Variants in JCAD observed in about 807,000 individuals in gnomAD.
JCAD encodes junctional cadherin 5 associated, also known as junctional cadherin 5-associated protein.
In JCAD, 40 loss-of-function variants were observed where a neutral mutation model predicts 98.0. That is an observed-to-expected ratio of 0.41 (90% CI 0.32 to 0.53). The LOEUF is 0.53. JCAD is among the 20% of genes least tolerant of loss of function. The pLI, the probability that JCAD is intolerant of heterozygous loss-of-function variation, is 0.31. For synonymous variants in JCAD, 691 were observed against 682.3 expected (o/e 1.01, Z -0.20); for missense variants, 1,705 against 1,738.1 (o/e 0.98, Z 0.34).
At chr10:30,097,986 C>G (rs778731793) in intron 1 of JCAD, among the ~76,000 whole-genome samples, 6 of 152,004 alleles carry the variant, frequency 3.9e-5, no homozygotes, top group Non-Finnish European at 8.8e-5. Flanking sequence ...AATGAGCAAC[C>G]CTAATCCAGA....
intron 2 of JCAD, among the ~76,000 whole-genome samples, chr10:30,038,129 A>C (rs1837155225): frequency 6.6e-6 from 1 of 152,056 alleles, no homozygotes. Context: ...AGGTCTAGTA[A>C]AGAACTTTTA....
At chr10:30,048,216 C>T (rs1034133269) in intron 1 of JCAD, among the ~76,000 whole-genome samples, 2 of 152,066 alleles carry the variant, frequency 1.3e-5, no homozygotes, top group African/African-American at 4.8e-5. Flanking sequence ...AAACAGCAGG[C>T]GGAAGGAGTG....
chr10:30,023,729 G>C (rs1300155889), intron 3 of JCAD, among the ~76,000 whole-genome samples: 4 of 151,870 alleles, frequency 2.6e-5, no homozygotes, highest in African/African-American at 9.7e-5. Flanking sequence ...GTTAGTAGCA[G>C]TGGTTAAAAA....
chr10:30,052,334 T>G, intron 1 of JCAD, among the ~76,000 whole-genome samples: 1 of 152,236 alleles, frequency 6.6e-6, no homozygotes, highest in South Asian at 2.1e-4. Context: ...ATGAGAAGGC[T>G]GAACTAGAGG....
chr10:30,087,109 T>G (rs1838178821), intron 1 of JCAD, among the ~76,000 whole-genome samples: 1 of 152,080 alleles, frequency 6.6e-6, no homozygotes. Flanking sequence ...TTTTATAAAC[T>G]CTACCCCAGG....
intron 1 of JCAD, among the ~76,000 whole-genome samples, chr10:30,071,242 GTTC>G (rs1288224937): frequency 5.3e-5 from 8 of 152,172 alleles, no homozygotes; most frequent in Non-Finnish European, 8.8e-5. Flanking sequence ...ACATTTCCTA[GTTC>G]TTCTAATTCT....
intron 1 of JCAD, among the ~76,000 whole-genome samples, chr10:30,080,608 A>C (rs1400489450): frequency 6.6e-6 from 1 of 152,138 alleles, no homozygotes; most frequent in African/African-American, 2.4e-5. Flanking sequence ...CCTGTATCAC[A>C]TGCTTCCTAC....
intron 3 of JCAD, among the ~76,000 whole-genome samples, chr10:30,019,715 C>T (rs1765714720): frequency 6.6e-6 from 1 of 152,010 alleles, no homozygotes; most frequent in Non-Finnish European, 1.5e-5. Context: ...ACTTTAGTTA[C>T]TAATGCCATC....
At chr10:30,108,710 C>A (rs1428490325) in intron 1 of JCAD, among the ~76,000 whole-genome samples, 3 of 152,156 alleles carry the variant, frequency 2.0e-5, no homozygotes, top group Admixed American at 6.6e-5. Flanking sequence ...GAGATTTCAG[C>A]CACTACATGC....
intron 3 of JCAD, among the ~76,000 whole-genome samples, chr10:30,024,558 A>G (rs1836740130): frequency 6.6e-6 from 1 of 152,174 alleles, no homozygotes; most frequent in African/African-American, 2.4e-5. Flanking sequence ...GTCCAACTAG[A>G]GGATCCAACG....
chr10:30,106,088 AC>A (rs151102865), intron 1 of JCAD, among the ~76,000 whole-genome samples: 4,468 of 152,218 alleles, frequency 0.029, 195 homozygotes, highest in African/African-American at 0.097. Context: ...GAGCCATAGA[AC>A]CACGGTTATA....
At chr10:30,077,640 C>T (rs1157111666) in intron 1 of JCAD, among the ~76,000 whole-genome samples, 1 of 152,174 alleles carries the variant, frequency 6.6e-6, no homozygotes, top group Non-Finnish European at 1.5e-5. Context: ...TACAAATATA[C>T]CTCTTCTGGA....
chr10:30,107,244 G>A (rs1001363400), intron 1 of JCAD, among the ~76,000 whole-genome samples: 1 of 152,146 alleles, frequency 6.6e-6, no homozygotes, highest in African/African-American at 2.4e-5. Context: ...GAGATAGGAG[G>A]TCACATGATA....
intron 1 of JCAD, among the ~76,000 whole-genome samples, chr10:30,058,403 G>A (rs973265760): frequency 1.3e-5 from 2 of 152,126 alleles, no homozygotes; most frequent in Non-Finnish European, 2.9e-5. Context: ...GTGGGGAGGT[G>A]ATGTGCCCAA....
intron 2 of JCAD, among the ~76,000 whole-genome samples, chr10:30,033,597 G>A (rs1837047202): frequency 6.6e-6 from 1 of 152,190 alleles, no homozygotes; most frequent in South Asian, 2.1e-4. Flanking sequence ...TTGATTACTA[G>A]TGAGGTCGAT....
chr10:30,020,308 C>CAGAGTG (rs1836634517), intron 3 of JCAD, among the ~76,000 whole-genome samples: 1 of 110,896 alleles, frequency 9.0e-6, no homozygotes, highest in African/African-American at 3.6e-5. Flanking sequence ...GCTTGGGCAA[C>CAGAGTG]AGAGTGAGAC....
At chr10:30,025,329 C>T (rs1182851861) in intron 3 of JCAD, among the ~76,000 whole-genome samples, 1 of 151,376 alleles carries the variant, frequency 6.6e-6, no homozygotes. Context: ...ACCAGCTTGG[C>T]CAATATGGCG....
chr10:30,102,912 A>C (rs1364590363), intron 1 of JCAD, among the ~76,000 whole-genome samples: 1 of 152,122 alleles, frequency 6.6e-6, no homozygotes, highest in Non-Finnish European at 1.5e-5. Context: ...CCCCTTTATG[A>C]AACCATCAGA....
At chr10:30,047,384 C>G in intron 2 of JCAD, 148 bp downstream of exon 2, 1 of 1,013,682 alleles carries the variant, frequency 9.9e-7, no homozygotes. Flanking sequence ...CAAAACAAAA[C>G]AAAAAGCAAA....
Sources: gnomAD v4.1 joint callset for allele counts (sites outside exome capture counted in the v4.1 genomes callset) on GRCh38, gnomAD v4.1.1 for gene constraint, MANE v1.5 for transcripts, NCBI Gene and HGNC (gene_info 2026-07-23, HGNC 2026-07-21) for gene names.